The following R3HDM2 variants were observed in gnomAD, a reference collection of about 807,000 sequenced individuals.
R3HDM2 encodes the protein R3H domain-containing protein 2.
A neutral mutation model predicts 124.5 loss-of-function variants in R3HDM2; 38 were observed. The observed-to-expected ratio is 0.31, with a 90% confidence interval of 0.24 to 0.40. R3HDM2 has a LOEUF of 0.40. Ranked by LOEUF, R3HDM2 falls within the 10% of genes least tolerant of loss-of-function variation. The pLI is 1.00. For synonymous variants in R3HDM2, 391 were observed against 448.0 expected (o/e 0.87, Z 1.61); for missense variants, 869 against 1,236.9 (o/e 0.70, Z 4.46).
chr12:57,399,381 A>G (rs953094764), intron 1 of R3HDM2, among the ~76,000 whole-genome samples: 1 of 152,120 alleles, frequency 6.6e-6, no homozygotes, highest in African/African-American at 2.4e-5. Flanking sequence ...CAGCCTGGGC[A>G]ACAGAGTGAG....
chr12:57,374,566 C>T (rs1197735025), intron 2 of R3HDM2, among the ~76,000 whole-genome samples: 1 of 150,696 alleles, frequency 6.6e-6, no homozygotes, highest in African/African-American at 2.4e-5. Flanking sequence ...ATCTGTAATC[C>T]CAGCTACTTG....
chr12:57,345,140 A>G (rs921615052), intron 2 of R3HDM2, among the ~76,000 whole-genome samples: 2 of 151,154 alleles, frequency 1.3e-5, no homozygotes, highest in Non-Finnish European at 2.9e-5. Context: ...GGCCTAAAAA[A>G]ATTTCCTTAT....
chr12:57,343,232 C>T (rs2059756323), intron 2 of R3HDM2, among the ~76,000 whole-genome samples: 1 of 148,390 alleles, frequency 6.7e-6, no homozygotes, highest in African/African-American at 2.5e-5. Context: ...CTCTTGTTGC[C>T]CAAGCTAGAG....
intron 2 of R3HDM2, among the ~76,000 whole-genome samples, chr12:57,311,894 A>G (rs1224005345): frequency 1.3e-5 from 2 of 152,208 alleles, no homozygotes; most frequent in East Asian, 3.8e-4. Context: ...GAAATCCTGT[A>G]ATGAAGCCTA....
intron 2 of R3HDM2, among the ~76,000 whole-genome samples, chr12:57,324,910 G>A (rs889261458): frequency 2.0e-5 from 3 of 152,278 alleles, no homozygotes; most frequent in Non-Finnish European, 4.4e-5. Context: ...GTTAGGGTGG[G>A]TCCTAATCCA....
intron 1 of R3HDM2, among the ~76,000 whole-genome samples, chr12:57,428,507 T>TG (rs1259292463): frequency 2.0e-3 from 5 of 2,458 alleles, no homozygotes; most frequent in South Asian, 8.1e-3. Flanking sequence ...GGGGGTGTGG[T>TG]GGGGGGCGTG....
chr12:57,329,727 C>A (rs1233074444), intron 2 of R3HDM2, among the ~76,000 whole-genome samples: 1 of 145,508 alleles, frequency 6.9e-6, no homozygotes, highest in Non-Finnish European at 1.5e-5. Context: ...AGTGGGCCGA[C>A]AGAAAAAGAC....
At chr12:57,419,256 G>T (rs1481555472) in intron 1 of R3HDM2, among the ~76,000 whole-genome samples, 1 of 150,440 alleles carries the variant, frequency 6.6e-6, no homozygotes, top group African/African-American at 2.5e-5. Flanking sequence ...AGATTCTTGT[G>T]CCTCAGCCTC....
At chr12:57,356,095 G>A (rs937198008) in intron 2 of R3HDM2, among the ~76,000 whole-genome samples, 1 of 151,972 alleles carries the variant, frequency 6.6e-6, no homozygotes, top group Non-Finnish European at 1.5e-5. Flanking sequence ...AGAACCATCA[G>A]TACTATGTTG....
intron 2 of R3HDM2, among the ~76,000 whole-genome samples, chr12:57,332,995 G>T (rs540801961): frequency 2.6e-4 from 39 of 152,278 alleles, no homozygotes; most frequent in African/African-American, 8.2e-4. Flanking sequence ...AATTTCTCAA[G>T]TATCCCTTGA....
chr12:57,260,942 A>G (rs1032747088), intron 19 of R3HDM2, among the ~76,000 whole-genome samples: 2 of 152,164 alleles, frequency 1.3e-5, no homozygotes, highest in African/African-American at 4.8e-5. Context: ...CATATTCCCC[A>G]GACCATTTGT....
intron 2 of R3HDM2, among the ~76,000 whole-genome samples, chr12:57,387,165 C>T (rs528852130): frequency 2.6e-4 from 39 of 152,122 alleles, no homozygotes; most frequent in Admixed American, 2.2e-3. Context: ...GCAGGCTGCC[C>T]GAGCCACCAG....
At chr12:57,408,466 C>G (rs1482484133) in intron 1 of R3HDM2, among the ~76,000 whole-genome samples, 1 of 152,058 alleles carries the variant, frequency 6.6e-6, no homozygotes, top group African/African-American at 2.4e-5. Flanking sequence ...CTTGGTGGTT[C>G]CTGCCTGTAA....
chr12:57,311,600 T>C (rs1267330354), intron 2 of R3HDM2, among the ~76,000 whole-genome samples: 2 of 152,070 alleles, frequency 1.3e-5, no homozygotes, highest in African/African-American at 4.8e-5. Context: ...CTTGAACTCC[T>C]GGACTTAAGT....
At chr12:57,393,921 A>G (rs150451139) in intron 2 of R3HDM2, among the ~76,000 whole-genome samples, 3 of 152,354 alleles carry the variant, frequency 2.0e-5, no homozygotes, top group Non-Finnish European at 4.4e-5. Flanking sequence ...CAGCAAAACT[A>G]TCCTTCAAAA....
chr12:57,399,615 A>AC (rs1446142865), intron 1 of R3HDM2, among the ~76,000 whole-genome samples: 1 of 152,152 alleles, frequency 6.6e-6, no homozygotes, highest in East Asian at 1.9e-4. Flanking sequence ...AGGACCCAAG[A>AC]CAATTAATAA....
intron 1 of R3HDM2, among the ~76,000 whole-genome samples, chr12:57,429,169 T>C (rs1421910776): frequency 1.3e-5 from 2 of 152,132 alleles, no homozygotes; most frequent in African/African-American, 4.8e-5. Flanking sequence ...AGAGGATCAC[T>C]TGAGGCCAGG....
chr12:57,349,613 T>G (rs1405513821), intron 2 of R3HDM2, among the ~76,000 whole-genome samples: 2 of 149,860 alleles, frequency 1.3e-5, no homozygotes, highest in African/African-American at 2.5e-5. Context: ...CAGGCTGGAG[T>G]GCAGTGGCAC....
chr12:57,267,326 G>A (rs774746886), intron 18 of R3HDM2, among the ~76,000 whole-genome samples: 18 of 152,248 alleles, frequency 1.2e-4, no homozygotes, highest in Non-Finnish European at 2.1e-4. Context: ...GGAGGCCAAG[G>A]CAGGTGGATC....
Sources: allele counts gnomAD v4.1 joint callset (sites outside exome capture counted in the v4.1 genomes callset), GRCh38; gene constraint gnomAD v4.1.1; transcripts MANE v1.5; gene names NCBI Gene and HGNC (gene_info 2026-07-23, HGNC 2026-07-21).